Variants in RALGAPA2 observed in about 807,000 individuals in gnomAD.
The protein encoded by RALGAPA2 is ral GTPase-activating protein subunit alpha-2.
A neutral mutation model predicts 230.4 loss-of-function variants in RALGAPA2; 139 were observed. The observed-to-expected ratio is 0.60, with a 90% CI of 0.53 to 0.69. RALGAPA2 has a LOEUF of 0.69. RALGAPA2 is among the 30% of genes least tolerant of loss of function. The pLI is 0.00. For missense variants in RALGAPA2, 2,163 were observed against 2,276.0 expected (o/e 0.95, Z 1.01); for synonymous variants, 847 against 837.8 (o/e 1.01, Z -0.19).
intron 38 of RALGAPA2, among the ~76,000 whole-genome samples, chr20:20,401,827 T>A (rs953245860): frequency 1.3e-5 from 2 of 152,220 alleles, no homozygotes; most frequent in Non-Finnish European, 2.9e-5. Context: ...TATATGTGAA[T>A]TATTTCTGTG....
At chr20:20,497,209 T>G (rs1410089390) in intron 35 of RALGAPA2, among the ~76,000 whole-genome samples, 1 of 152,218 alleles carries the variant, frequency 6.6e-6, no homozygotes, top group Non-Finnish European at 1.5e-5. Flanking sequence ...TTGCTACAGC[T>G]TTTTTCTTTT....
intron 9 of RALGAPA2, 106 bp from the exon 10 acceptor site, chr20:20,629,696 G>A: frequency 8.6e-7 from 1 of 1,168,650 alleles, no homozygotes; most frequent in Non-Finnish European, 1.2e-6. Flanking sequence ...TACCATCAAT[G>A]TGCACAGGGT....
At chr20:20,571,072 C>T (rs906856930) in intron 23 of RALGAPA2, among the ~76,000 whole-genome samples, 1 of 152,226 alleles carries the variant, frequency 6.6e-6, no homozygotes, top group Non-Finnish European at 1.5e-5. Context: ...AACATCCTAA[C>T]TACTAAAACA....
intron 3 of RALGAPA2, among the ~76,000 whole-genome samples, chr20:20,663,556 C>T (rs1244689847): frequency 1.3e-5 from 2 of 152,088 alleles, no homozygotes; most frequent in African/African-American, 4.8e-5. Flanking sequence ...TATCTGATTG[C>T]CAGCATCACT....
At chr20:20,567,399 C>A (rs557082414) in intron 23 of RALGAPA2, among the ~76,000 whole-genome samples, 17 of 152,258 alleles carry the variant, frequency 1.1e-4, no homozygotes, top group African/African-American at 3.9e-4. Flanking sequence ...AGAAGAGAAA[C>A]TGAAGGATGA....
chr20:20,439,555 T>C (rs1339358010), intron 37 of RALGAPA2, among the ~76,000 whole-genome samples: 3 of 152,162 alleles, frequency 2.0e-5, no homozygotes, highest in African/African-American at 7.2e-5. Context: ...AGAGACTAAA[T>C]ACCCAACAGG....
At chr20:20,475,846 A>G in intron 36 of RALGAPA2, among the ~76,000 whole-genome samples, 1 of 152,156 alleles carries the variant, frequency 6.6e-6, no homozygotes, top group East Asian at 1.9e-4. Context: ...ATGATTATGT[A>G]TATGAAAAGT....
chr20:20,567,870 TAAAATAA>T (rs2064490610), intron 23 of RALGAPA2, among the ~76,000 whole-genome samples: 2 of 95,326 alleles, frequency 2.1e-5, no homozygotes, highest in Admixed American at 1.9e-4. Context: ...TAAAATAAAA[TAAAATAA>T]AATAAAATAA....
chr20:20,521,030 T>C lies in RALGAPA2; in HGVS notation c.3971A>G (p.Asp1324Gly). The C allele has an allele frequency of 6.2e-7, 1 of 1,613,892 alleles. No homozygotes were observed. The highest frequency in any genetic ancestry group is 8.5e-7 in the Non-Finnish European group (1 of 1,179,842). Residue 1324 changes from aspartate to glycine, a missense_variant, in exon 31 of 40, where the codon GAC becomes GGC. Transcript: ENST00000202677. ...GGGGTCATAATCCGTGGATGACAAG[T>C]CAGCCAGGGTCAGTATGTAGTGACT... is the stretch of plus-strand genomic sequence containing the variant. ...QQSHYILTLA[D>G]LSSTDYDPFL...
At chr20:20,623,619 G>C (rs1309419701) in intron 10 of RALGAPA2, among the ~76,000 whole-genome samples, 1 of 151,954 alleles carries the variant, frequency 6.6e-6, no homozygotes, top group East Asian at 1.9e-4. Flanking sequence ...AGATCCTCCA[G>C]GTCTCAACCT....
intron 27 of RALGAPA2, among the ~76,000 whole-genome samples, chr20:20,528,669 C>A (rs2063289972): frequency 6.6e-6 from 1 of 152,188 alleles, no homozygotes; most frequent in Non-Finnish European, 1.5e-5. Flanking sequence ...TCTGCTACCC[C>A]ACCATAAACA....
At chr20:20,590,655 T>G (rs1188246977) in intron 17 of RALGAPA2, among the ~76,000 whole-genome samples, 1 of 152,254 alleles carries the variant, frequency 6.6e-6, no homozygotes, top group Non-Finnish European at 1.5e-5. Flanking sequence ...CTGCAAGTTG[T>G]TGGTGAAACC....
chr20:20,425,761 C>G (rs908387678), intron 37 of RALGAPA2, among the ~76,000 whole-genome samples: 1 of 152,098 alleles, frequency 6.6e-6, no homozygotes, highest in Non-Finnish European at 1.5e-5. Flanking sequence ...ACAGACCTAT[C>G]AGAGCAAAAA....
rs774283531 is a variant in RALGAPA2, at chr20:20,601,822, C to G, written c.2063G>C (p.Gly688Ala). 1.2e-6 allele frequency: 2 copies of G among 1,608,932 alleles called. No individual in the cohort carries two copies. ...AGAAAAGGACCTCCCCACGGTGGTT[C>G]CTTTCTGAGGATCTAGAACACAGCC... ...GKGCVLDPQKGTTVGRSFSLS... is the reference protein window; with the variant it reads ...GKGCVLDPQKATTVGRSFSLS... Residue 688 changes from glycine to alanine, a missense_variant, in exon 16 of 40, where the codon GGA becomes GCA. Transcript: ENST00000202677.
At chr20:20,441,789 G>A (rs2060747177) in intron 37 of RALGAPA2, among the ~76,000 whole-genome samples, 1 of 152,162 alleles carries the variant, frequency 6.6e-6, no homozygotes, top group African/African-American at 2.4e-5. Flanking sequence ...AGCTGTTTTG[G>A]AGATCATTTT....
chr20:20,687,840 AGAAG>A lies in RALGAPA2; in HGVS notation c.107-7043_107-7040del, dbSNP rs577219774. 4.4e-3 allele frequency among the ~76,000 whole-genome samples: 672 copies of A among 152,320 alleles called. 4 individuals are homozygous for A. Among genetic ancestry groups the A allele is most frequent in the Non-Finnish European group, 6.6e-3 (448 of 68,030 alleles). On this transcript the variant is annotated intron_variant, in intron 1 of 39. Coordinates refer to ENST00000202677, the MANE Select transcript of RALGAPA2 (RefSeq NM_020343.4). ...TATAACACATCATCCCCTCCATTAA[AGAAG>A]GAAAAGCAGGAAAAATGAATCCAAG...
At chr20:20,443,912 G>T (rs902661074) in intron 37 of RALGAPA2, among the ~76,000 whole-genome samples, 2 of 152,214 alleles carry the variant, frequency 1.3e-5, no homozygotes, top group African/African-American at 4.8e-5. Context: ...CCTAGTCCTT[G>T]GGCATCTGTG....
intron 1 of RALGAPA2, among the ~76,000 whole-genome samples, chr20:20,689,566 C>T (rs2068827301): frequency 6.6e-6 from 1 of 152,166 alleles, no homozygotes; most frequent in Non-Finnish European, 1.5e-5. Context: ...CACTTGAACC[C>T]GGGAGGCGGA....
At chr20:20,443,266 T>C (rs1009492840) in intron 37 of RALGAPA2, among the ~76,000 whole-genome samples, 1 of 152,232 alleles carries the variant, frequency 6.6e-6, no homozygotes, top group Non-Finnish European at 1.5e-5. Context: ...ACTGCATTCA[T>C]TTCCTGGATG....
Sources: gnomAD v4.1 joint callset for allele counts (sites outside exome capture counted in the v4.1 genomes callset) on GRCh38, gnomAD v4.1.1 for gene constraint, MANE v1.5 for transcripts, NCBI Gene and HGNC (gene_info 2026-07-23, HGNC 2026-07-21) for gene names.